The following FAM53A variants were observed in gnomAD, a reference collection of about 807,000 sequenced individuals.
The protein encoded by FAM53A is family with sequence similarity 53 member A, also known as protein FAM53A.
Under a neutral mutation model 26.6 loss-of-function variants are expected in FAM53A, and 28 were observed. That is an observed-to-expected ratio of 1.05 (90% CI 0.78 to 1.45). The LOEUF (loss-of-function observed/expected upper bound fraction) is 1.45, where lower values mean the gene tolerates loss of function less well. FAM53A is among the 40% of genes most tolerant of loss of function. The probability of loss-of-function intolerance (pLI) is 0.00; values close to 1 mark genes in which losing one functional copy is unlikely to be tolerated. For synonymous variants in FAM53A, 290 were observed against 253.1 expected (o/e 1.15, Z -1.38); for missense variants, 650 against 575.8 (o/e 1.13, Z -1.32).
At chr4:1,587,959 A>G in the FAM53A span, among the ~76,000 whole-genome samples, 1 of 152,180 alleles carries the variant, frequency 6.6e-6, no homozygotes, top group African/African-American at 2.4e-5. Context: ...GAAGACTAAG[A>G]TGTCCTTGTA....
the FAM53A span, among the ~76,000 whole-genome samples, chr4:1,608,365 A>G: frequency 2.6e-5 from 4 of 152,250 alleles, no homozygotes; most frequent in East Asian, 7.7e-4. Flanking sequence ...CCCCAGCCCC[A>G]TAATTCCCTC....
chr4:1,587,514 A>G, the FAM53A span, among the ~76,000 whole-genome samples: 39 of 152,268 alleles, frequency 2.6e-4, no homozygotes, highest in African/African-American at 8.7e-4. Flanking sequence ...TCTACTAGAA[A>G]TACAAAAATT....
intron 1 of FAM53A, among the ~76,000 whole-genome samples, chr4:1,633,831 T>C (rs1443044979): frequency 6.6e-6 from 1 of 151,560 alleles, no homozygotes; most frequent in Non-Finnish European, 1.5e-5. Context: ...ATTACCAGAA[T>C]TAACTTAAAG....
chr4:1,582,983 T>G, the FAM53A span, among the ~76,000 whole-genome samples: 4 of 152,240 alleles, frequency 2.6e-5, no homozygotes, highest in Admixed American at 6.5e-5. Context: ...GACGACTCTT[T>G]CTTGGTCATG....
At chr4:1,663,915 G>A (rs1436379254) in intron 2 of FAM53A, among the ~76,000 whole-genome samples, 1 of 151,812 alleles carries the variant, frequency 6.6e-6, no homozygotes, top group African/African-American at 2.4e-5. Flanking sequence ...GAAACCATAA[G>A]GGGCAGGGCA....
chr4:1,598,515 G>A, the FAM53A span, among the ~76,000 whole-genome samples: 3 of 152,188 alleles, frequency 2.0e-5, no homozygotes, highest in Admixed American at 6.5e-5. Context: ...CTCCCAGAGC[G>A]GCCACAGAAG....
rs1280117414 is a variant in FAM53A at position 1,655,380 on chromosome 4, C to T, written c.480G>A (p.Thr160=). Residue 160 remains threonine (T), a synonymous_variant, in exon 4 of 5, where the codon ACG becomes ACA. Transcript: ENST00000308132. ...GGACGGCGCCGGGGCTTCCCTGCCG[C>T]GTGGCACTCCCGCCGCTGTCGCACC... The part of the protein sequence containing the change: ...KRRCDSGGSA[T]RQGSPGAVLP... 11 of 1,448,474 alleles carry T rather than the reference C, an allele frequency of 7.6e-6. No homozygotes were observed. In the East Asian group the frequency reaches 1.3e-4, roughly 18 times the overall value. 89.7% of individuals were successfully genotyped at this position (1,448,474 alleles called of 1,614,324 possible). A position where few individuals can be genotyped will look rare whatever the true frequency, so the allele number is the denominator to read the frequency against.
At chr4:1,643,310 C>CA (rs1442896828) in intron 4 of FAM53A, among the ~76,000 whole-genome samples, 10 of 151,786 alleles carry the variant, frequency 6.6e-5, no homozygotes, top group Non-Finnish European at 1.0e-4. Context: ...ACTAAAAATA[C>CA]AAAAAATTAA....
At chr4:1,656,009 G>T (rs1419467490) in intron 3 of FAM53A, among the ~76,000 whole-genome samples, 4 of 152,188 alleles carry the variant, frequency 2.6e-5, no homozygotes, top group Non-Finnish European at 5.9e-5. Context: ...GCACGGCTCT[G>T]CTCTCCCGAC....
chr4:1,665,565 C>T (rs958889696), intron 2 of FAM53A, among the ~76,000 whole-genome samples: 1 of 152,120 alleles, frequency 6.6e-6, no homozygotes, highest in African/African-American at 2.4e-5. Flanking sequence ...GAAACCACCG[C>T]CATATTCACA....
intron 2 of FAM53A, among the ~76,000 whole-genome samples, chr4:1,664,552 C>G (rs1300320083): frequency 6.6e-6 from 1 of 152,174 alleles, no homozygotes; most frequent in African/African-American, 2.4e-5. Context: ...TGACTTGTTT[C>G]CTTGAATGTT....
Position 1,657,318 on chromosome 4 carries a change from G to A in FAM53A, c.136+90C>T, listed in dbSNP as rs568663341. ...CACCTTCCTGGGCTTCTGCAGATCCGGCTCATGTTCTGCGTCCAGGACCCT... is the reference window on the plus strand; with the variant it reads ...CACCTTCCTGGGCTTCTGCAGATCCAGCTCATGTTCTGCGTCCAGGACCCT... On this transcript the variant is annotated intron_variant, in intron 3 of 4. Transcript: ENST00000308132. 9.8e-5 allele frequency: 118 copies of A among 1,208,866 alleles called. 4 individuals are homozygous for A. The South Asian group carries it at 1.4e-3, about 14-fold the overall frequency. 74.9% of individuals were successfully genotyped at this position (1,208,866 alleles called of 1,614,324 possible).
the FAM53A span, among the ~76,000 whole-genome samples, chr4:1,590,850 A>G: frequency 2.6e-5 from 4 of 151,146 alleles, no homozygotes; most frequent in Non-Finnish European, 4.4e-5. Flanking sequence ...TTGTTTTATA[A>G]GAGGAATTTG....
At chr4:1,600,171 C>A in the FAM53A span, among the ~76,000 whole-genome samples, 1 of 152,130 alleles carries the variant, frequency 6.6e-6, no homozygotes, top group Admixed American at 6.5e-5. Context: ...AGCCCTGCTG[C>A]CGGTTTTAGT....
rs895832321 is a variant in FAM53A at position 1,619,648 on chromosome 4, C to A, written c.432-1537G>T. ...GACCACCCCCGCCCTTCATCTCCAG[C>A]GTCTCTGACTCACGCACCGGGCACC... is the stretch of plus-strand genomic sequence containing the variant. On this transcript the variant is annotated intron_variant, in intron 1 of 1. Coordinates refer to the FAM53A transcript ENST00000489029. Among the ~76,000 whole-genome samples, 3 of 152,172 alleles carry A rather than the reference C, an allele frequency of 2.0e-5. No homozygotes were observed. The South Asian group carries it at 6.2e-4, about 32-fold the overall frequency.
upstream of FAM53A, among the ~76,000 whole-genome samples, chr4:1,685,749 C>A (rs1398629492): frequency 6.6e-6 from 1 of 152,172 alleles, no homozygotes; most frequent in Non-Finnish European, 1.5e-5. Context: ...GGTAATCCCC[C>A]ACCTGCAACA....
chr4:1,644,549 C>T lies in FAM53A; in HGVS notation c.883-2942G>A, dbSNP rs901341576. On this transcript the variant is annotated intron_variant, in intron 4 of 4. Transcript: ENST00000308132. ...GCCGATGCTGGCCTGGACTGCGCCA[C>T]CCATCCGCCTCGCGCCCCCTGTCCC... 2.0e-5 allele frequency: 12 copies of T among 589,260 alleles called. No homozygotes were observed. In the Admixed American group the frequency reaches 4.0e-4, roughly 20 times the overall value. 36.5% of individuals were successfully genotyped at this position (589,260 alleles called of 1,614,324 possible).
chr4:1,620,665 C>T (rs1714988411), intron 1 of FAM53A, among the ~76,000 whole-genome samples: 1 of 150,936 alleles, frequency 6.6e-6, no homozygotes, highest in Admixed American at 6.6e-5. Flanking sequence ...AAGACTCTGT[C>T]TCACAAAAAA....
intron 4 of FAM53A, among the ~76,000 whole-genome samples, chr4:1,645,143 T>C (rs997814359): frequency 1.3e-5 from 2 of 152,098 alleles, no homozygotes; most frequent in Admixed American, 6.5e-5. Flanking sequence ...CGCAGCACAG[T>C]GCATGTTGAA....
Sources: gnomAD v4.1 joint callset for allele counts (sites outside exome capture counted in the v4.1 genomes callset) on GRCh38, gnomAD v4.1.1 for gene constraint, MANE v1.5 for transcripts, NCBI Gene and HGNC (gene_info 2026-07-23, HGNC 2026-07-21) for gene names.